CCDC102B: variants seen among roughly 807,000 people sequenced by gnomAD.
CCDC102B encodes coiled-coil domain-containing protein 102B.
Under a neutral mutation model 57.4 loss-of-function variants are expected in CCDC102B, and 75 were observed. The ratio of observed to expected loss-of-function variants is 1.31; its 90% CI spans 1.08 to 1.58. The LOEUF is 1.58. CCDC102B is among the 40% of genes most tolerant of loss of function. CCDC102B has a pLI of 0.00. For missense variants in CCDC102B, 636 were observed against 582.6 expected (o/e 1.09, Z -0.94); for synonymous variants, 206 against 201.9 (o/e 1.02, Z -0.17).
chr18:69,014,678 C>A (rs1349153878), intron 7 of CCDC102B, among the ~76,000 whole-genome samples: 2 of 151,268 alleles, frequency 1.3e-5, no homozygotes, highest in East Asian at 1.9e-4. Flanking sequence ...TACTGAGATT[C>A]GTTGTGGAGA....
At chr18:69,023,189 A>C (rs2051894752) in intron 7 of CCDC102B, among the ~76,000 whole-genome samples, 1 of 152,152 alleles carries the variant, frequency 6.6e-6, no homozygotes, top group African/African-American at 2.4e-5. Context: ...TGCACTTCCT[A>C]GTTATGTGAT....
chr18:68,849,838 A>G (rs2038044198), intron 4 of CCDC102B, among the ~76,000 whole-genome samples: 1 of 152,086 alleles, frequency 6.6e-6, no homozygotes, highest in Non-Finnish European at 1.5e-5. Context: ...TGACTCACAT[A>G]TAGCCCTACC....
chr18:68,987,335 C>A (rs1422940936), intron 6 of CCDC102B, among the ~76,000 whole-genome samples: 1 of 152,008 alleles, frequency 6.6e-6, no homozygotes, highest in African/African-American at 2.4e-5. Context: ...ACTCCCCATT[C>A]AATAAATGAT....
At chr18:68,875,649 G>A (rs2039414708) in intron 5 of CCDC102B, among the ~76,000 whole-genome samples, 1 of 152,018 alleles carries the variant, frequency 6.6e-6, no homozygotes, top group Non-Finnish European at 1.5e-5. Context: ...TACAGATTTT[G>A]GAGCTAGAAA....
intron 6 of CCDC102B, among the ~76,000 whole-genome samples, chr18:68,911,630 T>A (rs1484030153): frequency 6.7e-6 from 1 of 148,844 alleles, no homozygotes; most frequent in Admixed American, 6.7e-5. Context: ...CGGGCGCCTG[T>A]AGTCCCAGCT....
chr18:68,835,657 A>G (rs2037334446), intron 1 of CCDC102B, among the ~76,000 whole-genome samples: 2 of 152,192 alleles, frequency 1.3e-5, no homozygotes, highest in Admixed American at 6.5e-5. Flanking sequence ...TATCCTGCTC[A>G]CATAGCAAAG....
intron 2 of CCDC102B, among the ~76,000 whole-genome samples, chr18:68,743,424 C>A (rs1168167327): frequency 4.6e-5 from 7 of 151,904 alleles, no homozygotes; most frequent in Admixed American, 4.6e-4. Flanking sequence ...ACCAACCAAC[C>A]AACCAACCAA....
At chr18:68,875,998 C>A (rs1036784910) in intron 5 of CCDC102B, among the ~76,000 whole-genome samples, 40 of 152,186 alleles carry the variant, frequency 2.6e-4, no homozygotes, top group Middle Eastern at 3.4e-3. Flanking sequence ...GAATACAAAT[C>A]TTCCTAAGTC....
intron 5 of CCDC102B, among the ~76,000 whole-genome samples, chr18:68,885,293 TC>T (rs1265189534): frequency 2.6e-5 from 4 of 151,890 alleles, no homozygotes; most frequent in African/African-American, 4.8e-5. Context: ...TAGCAATTAG[TC>T]CCCCAAATTC....
intron 2 of CCDC102B, among the ~76,000 whole-genome samples, chr18:68,792,330 A>C (rs1026155896): frequency 1.9e-4 from 29 of 152,204 alleles, no homozygotes; most frequent in African/African-American, 6.8e-4. Context: ...TAATGTGTCT[A>C]ACTGCTTTGC....
intron 7 of CCDC102B, among the ~76,000 whole-genome samples, chr18:69,039,736 T>G (rs2052383732): frequency 6.6e-6 from 1 of 151,938 alleles, no homozygotes; most frequent in Non-Finnish European, 1.5e-5. Flanking sequence ...ATAAATTTAT[T>G]TTTGCCATTT....
chr18:68,985,620 T>A (rs914468019), intron 6 of CCDC102B, among the ~76,000 whole-genome samples: 1 of 152,140 alleles, frequency 6.6e-6, no homozygotes, highest in Non-Finnish European at 1.5e-5. Flanking sequence ...AAACTGAAAC[T>A]GCTGTTGGTG....
chr18:68,837,374 GA>G lies in CCDC102B; in HGVS notation c.606+12del. ...AAGGAGGACACAAATAATAAGGTAAGAAAAAAATCCAGAGATGATGTGAATT... is the reference window on the plus strand; with the variant it reads ...AAGGAGGACACAAATAATAAGGTAAGAAAAAATCCAGAGATGATGTGAATT... On this transcript the variant is annotated splice_donor_region_variant and intron_variant, in intron 2 of 7. Transcript: ENST00000360242. 2 of 1,594,026 alleles carry G rather than the reference GA, an allele frequency of 1.3e-6. No individual in the cohort carries two copies. The highest frequency in any genetic ancestry group is 8.5e-7 in the Non-Finnish European group (1 of 1,171,768).
At chr18:69,049,918 T>C (rs2145495067) in intron 7 of CCDC102B, among the ~76,000 whole-genome samples, 1 of 152,180 alleles carries the variant, frequency 6.6e-6, no homozygotes, top group Non-Finnish European at 1.5e-5. Context: ...CAAGCAATTC[T>C]CCTGCCTCAG....
chr18:68,834,811 C>CT (rs1423927058), intron 1 of CCDC102B, among the ~76,000 whole-genome samples: 1 of 151,562 alleles, frequency 6.6e-6, no homozygotes, highest in Admixed American at 6.6e-5. Context: ...ATTATATAGT[C>CT]TTTTTTTCCC....
intron 4 of CCDC102B, among the ~76,000 whole-genome samples, chr18:68,868,860 T>C (rs1367787606): frequency 6.6e-6 from 1 of 152,166 alleles, no homozygotes; most frequent in Non-Finnish European, 1.5e-5. Context: ...GAAACTGTTA[T>C]GAGCCTGTTA....
At position 68,961,390 on chromosome 18, in the gene CCDC102B, A is replaced by G. The variant is rs1293332977; in HGVS notation, c.1264-49544A>G. Among the ~76,000 whole-genome samples the G allele has an allele frequency of 2.6e-5, 4 of 152,174 alleles. No homozygotes were observed. The South Asian group carries it at 8.3e-4, about 32-fold the overall frequency. ...TGATTTTATATTTTCAATCAAAACT[A>G]GATATAGGATTATGACAAAAATTTT... On this transcript the variant is annotated intron_variant, in intron 6 of 7. Transcript: ENST00000360242.
At chr18:68,756,033 G>T (rs928906418) in intron 2 of CCDC102B, among the ~76,000 whole-genome samples, 1 of 151,336 alleles carries the variant, frequency 6.6e-6, no homozygotes, top group African/African-American at 2.4e-5. Flanking sequence ...TTTAGCCGAA[G>T]ATTTAAATAG....
chr18:68,984,076 A>AT (rs1237460647), intron 6 of CCDC102B, among the ~76,000 whole-genome samples: 1 of 152,000 alleles, frequency 6.6e-6, no homozygotes, highest in Non-Finnish European at 1.5e-5. Flanking sequence ...ACTCAACATA[A>AT]GTACATTTTA....
Sources: gnomAD v4.1 joint callset for allele counts (sites outside exome capture counted in the v4.1 genomes callset) on GRCh38, gnomAD v4.1.1 for gene constraint, MANE v1.5 for transcripts, NCBI Gene and HGNC (gene_info 2026-07-23, HGNC 2026-07-21) for gene names.